Variants in PNPLA3 observed in about 807,000 individuals in gnomAD.
The protein encoded by PNPLA3 is patatin like domain 3, 1-acylglycerol-3-phosphate O-acyltransferase.
In PNPLA3, 42 loss-of-function variants were observed where a neutral mutation model predicts 43.1. The ratio of observed to expected loss-of-function variants is 0.97; its 90% confidence interval spans 0.76 to 1.26. The LOEUF is 1.26. PNPLA3 is among the 50% of genes most tolerant of loss of function. The pLI is 0.00. For synonymous variants in PNPLA3, 272 were observed against 253.6 expected (o/e 1.07, Z -0.69); for missense variants, 647 against 621.4 (o/e 1.04, Z -0.44).
At chr22:43,944,152 A>G (rs890004869) in intron 7 of PNPLA3, among the ~76,000 whole-genome samples, 2 of 151,876 alleles carry the variant, frequency 1.3e-5, no homozygotes, top group African/African-American at 4.8e-5. Context: ...TCGCCTTCCT[A>G]GATTCCTTCT....
At chr22:43,929,599 CTTTT>C (rs201016637) in intron 3 of PNPLA3, among the ~76,000 whole-genome samples, 4 of 128,750 alleles carry the variant, frequency 3.1e-5, no homozygotes, top group East Asian at 2.4e-4. Context: ...TTTTTCTTTT[CTTTT>C]TTTTTTTTTT....
In PNPLA3 at chr22:43,946,706, A is replaced by G. The variant is rs1474156280; in HGVS notation, c.*324A>G. ...GTTCCAGCATGAGGTTCTTAGAATG[A>G]CAGGTGTTTGGATGGGTGGGGGCCT... is the stretch of plus-strand genomic sequence containing the variant. On this transcript the variant is annotated 3_prime_UTR_variant, in exon 9 of 9. Coordinates refer to ENST00000216180, the MANE Select transcript of PNPLA3 (RefSeq NM_025225.3). 5.5e-6 allele frequency: 3 copies of G among 544,876 alleles called. No individual in the cohort carries two copies. Among genetic ancestry groups the G allele is most frequent in the African/African-American group, 1.9e-5 (1 of 52,528 alleles). 33.8% of individuals were successfully genotyped at this position (544,876 alleles called of 1,614,324 possible).
rs149395579 is a variant in PNPLA3, at chr22:43,937,169, G to A, written c.876G>A (p.Leu292=). 4 of 1,614,056 alleles carry A rather than the reference G, an allele frequency of 2.5e-6. No homozygotes were observed. Among genetic ancestry groups the A allele is most frequent in the Admixed American group, 3.3e-5 (2 of 60,004 alleles). The change falls in exon 6 of 9, where the codon TTG becomes TTA. Residue 292 remains leucine (L), a synonymous_variant. Transcript: ENST00000216180. ...SLDSSPESAA[L]AVRLEGDELL... ...ATTCTTCCCCGGAGTCGGCTGCCTTGGCTGTGAGGCTGGAGGGAGATGAGC... is the reference window on the plus strand; with the variant it reads ...ATTCTTCCCCGGAGTCGGCTGCCTTAGCTGTGAGGCTGGAGGGAGATGAGC...
At chr22:43,938,117 C>T (rs1475660127) in intron 6 of PNPLA3, among the ~76,000 whole-genome samples, 1 of 152,164 alleles carries the variant, frequency 6.6e-6, no homozygotes, top group Non-Finnish European at 1.5e-5. Context: ...TGGGACCTTG[C>T]AGCCTCTAGA....
Position 43,932,962 on chromosome 22 carries a change from T to C in PNPLA3, c.571T>C (p.Tyr191His), listed in dbSNP as rs1224388972. 2 of 1,613,772 alleles carry C rather than the reference T, an allele frequency of 1.2e-6. No homozygotes were observed. Among genetic ancestry groups the C allele is most frequent in the Non-Finnish European group, 1.7e-6 (2 of 1,179,950 alleles). ...CACCGTGTCCCCCTTCTATGGGGAG[T>C]ACGACATCTGCCCTAAAGTCAAGTC... ...TITVSPFYGE[Y>H]DICPKVKSTN... The change falls in exon 4 of 9, where the codon TAC becomes CAC. Residue 191 changes from tyrosine (Y) to histidine (H), a missense_variant. By Grantham distance (83) the Tyr-to-His change is moderately conservative (BLOSUM62 2). Transcript: ENST00000216180.
At chr22:43,924,413 C>G in intron 1 of PNPLA3, 1 of 348,550 alleles carries the variant, frequency 2.9e-6, no homozygotes, top group East Asian at 5.2e-5. Flanking sequence ...GTCGGAGCGT[C>G]TCGGAGCGAC....
intron 8 of PNPLA3, among the ~76,000 whole-genome samples, chr22:43,945,420 G>A (rs17494724): frequency 0.044 from 6,629 of 152,252 alleles, 203 homozygotes; most frequent in Non-Finnish European, 0.072. Flanking sequence ...AGGGTTGGGC[G>A]TTATCCTGAA....
intron 7 of PNPLA3, among the ~76,000 whole-genome samples, chr22:43,943,062 A>G (rs1569016492): frequency 6.6e-6 from 1 of 151,864 alleles, no homozygotes; most frequent in Non-Finnish European, 1.5e-5. Context: ...ATTTCCTCAA[A>G]TTTTGTCTTC....
chr22:43,940,210 C>A (rs1192716804), intron 7 of PNPLA3, 85 bp downstream of exon 7: 9 of 1,463,252 alleles, frequency 6.2e-6, no homozygotes, highest in Non-Finnish European at 8.5e-6. Flanking sequence ...GGCATGTAGT[C>A]TGGGACCTGG....
intron 1 of PNPLA3, chr22:43,924,385 C>T: frequency 2.4e-6 from 1 of 425,474 alleles, no homozygotes; most frequent in Non-Finnish European, 4.1e-6. Context: ...AAGGGAGACC[C>T]TCACCTCCGG....
At position 43,924,218 on chromosome 22, in the gene PNPLA3, C is replaced by T. The variant is rs374077924; in HGVS notation, c.187+120C>T. ...GAGCGGGCATCGGACGCGGACACGGCGGGGTGCATCCCGAGGGCCCCCTCC... is the reference window on the plus strand; with the variant it reads ...GAGCGGGCATCGGACGCGGACACGGTGGGGTGCATCCCGAGGGCCCCCTCC... On this transcript the variant is annotated intron_variant, in intron 1 of 8. Coordinates refer to ENST00000216180, the MANE Select transcript of PNPLA3 (RefSeq NM_025225.3). 4 of 1,168,738 alleles carry T rather than the reference C, an allele frequency of 3.4e-6. No homozygotes were observed. In the South Asian group the frequency reaches 7.6e-5, roughly 22 times the overall value. 72.4% of individuals were successfully genotyped at this position (1,168,738 alleles called of 1,614,324 possible). A position where few individuals can be genotyped will look rare whatever the true frequency, so the allele number is the denominator to read the frequency against.
At chr22:43,925,375 G>A (rs2049915567) in intron 1 of PNPLA3, among the ~76,000 whole-genome samples, 1 of 152,186 alleles carries the variant, frequency 6.6e-6, no homozygotes. Flanking sequence ...GTGTGCCACA[G>A]TCCTGGAGGC....
At chr22:43,932,800 A>G in intron 3 of PNPLA3, 78 bp from the exon 4 acceptor site, 3 of 1,329,288 alleles carry the variant, frequency 2.3e-6, no homozygotes, top group East Asian at 2.3e-5. Context: ...CTCTGCCCAC[A>G]TGTGAAAGCT....
chr22:43,931,902 T>C (rs1022114496), intron 3 of PNPLA3, among the ~76,000 whole-genome samples: 2 of 152,242 alleles, frequency 1.3e-5, no homozygotes, highest in East Asian at 1.9e-4. Context: ...AAACTTGTGA[T>C]CATTTCTGGA....
rs531832356 is a variant in PNPLA3, at chr22:43,934,628, G to A, written c.719G>A (p.Arg240Gln). 37 of 1,613,986 alleles carry A rather than the reference G, an allele frequency of 2.3e-5. No homozygotes were observed. The highest frequency in any genetic ancestry group is 1.1e-4 in the East Asian group (5 of 44,874). The change falls in exon 5 of 9, where the codon CGA becomes CAA. Residue 240 changes from arginine (R) to glutamine (Q), a missense_variant. By Grantham distance (43) the Arg-to-Gln change is conservative. Coordinates refer to ENST00000216180, the MANE Select transcript of PNPLA3 (RefSeq NM_025225.3). ...DLKVLGEICL[R>Q]GYLDAFRFLE... ...CAGGTGCTGGGAGAGATATGCCTTC[G>A]AGGATATTTGGATGCATTCAGGTTC...
intron 1 of PNPLA3, among the ~76,000 whole-genome samples, chr22:43,925,681 GC>G (rs2049917371): frequency 1.3e-5 from 2 of 152,292 alleles, no homozygotes; most frequent in South Asian, 4.1e-4. Context: ...CTTCCCCTAA[GC>G]CAGGGGGAGA....
chr22:43,937,391 G>A, intron 6 of PNPLA3, 119 bp downstream of exon 6: 1 of 900,604 alleles, frequency 1.1e-6, no homozygotes, highest in East Asian at 2.6e-5. Flanking sequence ...AGGTGGTTGG[G>A]AACATCTCCT....
chr22:43,925,856 CAG>C (rs1430281685), intron 1 of PNPLA3, among the ~76,000 whole-genome samples: 1 of 152,228 alleles, frequency 6.6e-6, no homozygotes, highest in Non-Finnish European at 1.5e-5. Context: ...AATTCAAATG[CAG>C]AGGTCCCAGG....
Position 43,946,419 on chromosome 22 carries a change from A to T in PNPLA3, c.*37A>T, listed in dbSNP as rs1292699521. 1 of 1,587,090 alleles carries T rather than the reference A, an allele frequency of 6.3e-7. No homozygotes were observed. The highest frequency in any genetic ancestry group is 8.7e-7 in the Non-Finnish European group (1 of 1,155,734). ...AGGCGAGTCTAGCAGATTCTTTCAGAGGTGCTAAAGTTTCCCATCTTTGTG... is the reference window on the plus strand; with the variant it reads ...AGGCGAGTCTAGCAGATTCTTTCAGTGGTGCTAAAGTTTCCCATCTTTGTG... On this transcript the variant is annotated 3_prime_UTR_variant, in exon 9 of 9. Transcript: ENST00000216180.
Sources: allele counts gnomAD v4.1 joint callset (sites outside exome capture counted in the v4.1 genomes callset), GRCh38; gene constraint gnomAD v4.1.1; transcripts MANE v1.5; gene names NCBI Gene and HGNC (gene_info 2026-07-23, HGNC 2026-07-21).